Variants in EHD4 observed in about 807,000 individuals in gnomAD.
EHD4 encodes the protein EH domain containing 4, also known as EH domain-containing protein 4.
In EHD4, 37 loss-of-function variants were observed where a neutral mutation model predicts 51.0. The observed-to-expected ratio is 0.73, with a 90% CI of 0.56 to 0.95. EHD4 has a LOEUF of 0.95. Among genes scored for constraint, EHD4 ranks in the 40% least tolerant of loss-of-function variants. EHD4 has a pLI of 0.00. For missense variants in EHD4, 632 were observed against 733.1 expected, an observed-to-expected ratio of 0.86 and a Z score of 1.59; for synonymous variants, 297 against 317.3, an observed-to-expected ratio of 0.94 and a Z score of 0.68.
chr15:41,964,850 C>T (rs774167548), intron 1 of EHD4, among the ~76,000 whole-genome samples: 4 of 151,838 alleles, frequency 2.6e-5, no homozygotes, highest in Middle Eastern at 6.8e-3. Flanking sequence ...CAGCTTACTG[C>T]AGCCTCGACC....
intron 1 of EHD4, among the ~76,000 whole-genome samples, chr15:41,968,299 T>A (rs1158969978): frequency 6.6e-6 from 1 of 152,120 alleles, no homozygotes; most frequent in Non-Finnish European, 1.5e-5. Flanking sequence ...TAAACACAAT[T>A]ACGGTATCAA....
chr15:41,931,599 T>C (rs2067698818), intron 3 of EHD4, among the ~76,000 whole-genome samples: 1 of 152,166 alleles, frequency 6.6e-6, no homozygotes. Context: ...AATGGCTAAA[T>C]TGACAGTGCA....
chr15:41,918,245 C>T (rs111442372), intron 4 of EHD4, among the ~76,000 whole-genome samples: 1,477 of 132,446 alleles, frequency 0.011, 28 homozygotes, highest in African/African-American at 0.038. Flanking sequence ...CACACACACG[C>T]GCATGTTTAC....
intron 3 of EHD4, among the ~76,000 whole-genome samples, chr15:41,938,350 G>T (rs2067745191): frequency 6.6e-6 from 1 of 152,158 alleles, no homozygotes; most frequent in African/African-American, 2.4e-5. Context: ...AAAGATGTTT[G>T]TATATAGACG....
intron 4 of EHD4, among the ~76,000 whole-genome samples, chr15:41,915,338 G>T (rs770889010): frequency 6.6e-6 from 1 of 152,182 alleles, no homozygotes; most frequent in Non-Finnish European, 1.5e-5. Context: ...TTGGTTTCCT[G>T]AAGTGTTGGG....
chr15:41,958,292 C>T lies in EHD4; in HGVS notation c.237-4352G>A, dbSNP rs139068041. On this transcript the variant is annotated intron_variant, in intron 1 of 5. Coordinates refer to ENST00000220325, the MANE Select transcript of EHD4 (RefSeq NM_139265.4). Reference sequence around the variant, plus strand: ...TTGCTCCAAGGTTCTCGAGCCAAGCCAGCCACATAAAAAGGTATGGACATT... The same window carrying T: ...TTGCTCCAAGGTTCTCGAGCCAAGCTAGCCACATAAAAAGGTATGGACATT... Among the ~76,000 whole-genome samples, 119 of 152,120 alleles carry T rather than the reference C, an allele frequency of 7.8e-4. 1 individual carries two copies. The highest frequency in any genetic ancestry group is 2.8e-3 in the African/African-American group (117 of 41,458).
intron 2 of EHD4, among the ~76,000 whole-genome samples, chr15:41,944,150 T>A (rs546082054): frequency 1.3e-5 from 2 of 152,306 alleles, no homozygotes; most frequent in East Asian, 3.9e-4. Context: ...GCTATGGGAC[T>A]CTGGGTAAGG....
intron 4 of EHD4, among the ~76,000 whole-genome samples, chr15:41,915,183 G>GGGA (rs1179831652): frequency 6.6e-6 from 1 of 152,148 alleles, no homozygotes; most frequent in Non-Finnish European, 1.5e-5. Flanking sequence ...ACATTTAAAA[G>GGGA]GGAGGACTTT....
intron 1 of EHD4, among the ~76,000 whole-genome samples, chr15:41,968,041 G>A (rs1365621377): frequency 1.3e-5 from 2 of 152,194 alleles, no homozygotes; most frequent in Admixed American, 6.5e-5. Context: ...AAGCTGAGTA[G>A]TTCTGCTTTC....
intron 1 of EHD4, among the ~76,000 whole-genome samples, chr15:41,967,815 C>G (rs1300709083): frequency 6.6e-6 from 1 of 152,192 alleles, no homozygotes; most frequent in Non-Finnish European, 1.5e-5. Context: ...TGTTCCAATA[C>G]TTTTCATATT....
At chr15:41,960,322 C>T (rs556968293) in intron 1 of EHD4, among the ~76,000 whole-genome samples, 1 of 152,310 alleles carries the variant, frequency 6.6e-6, no homozygotes, top group Admixed American at 6.5e-5. Context: ...GTAATGACTA[C>T]TTTTAACATT....
At chr15:41,951,776 G>A (rs1186003398) in intron 2 of EHD4, among the ~76,000 whole-genome samples, 1 of 152,210 alleles carries the variant, frequency 6.6e-6, no homozygotes, top group Non-Finnish European at 1.5e-5. Context: ...GAGATCTGGA[G>A]AGTTGACCCT....
intron 2 of EHD4, among the ~76,000 whole-genome samples, chr15:41,948,088 T>A (rs1014800636): frequency 3.9e-5 from 6 of 152,124 alleles, no homozygotes; most frequent in Non-Finnish European, 8.8e-5. Context: ...ACCCTGTCTG[T>A]ACTAAAAATA....
In EHD4 at chr15:41,917,526, T is replaced by TA. The variant is rs533836121; in HGVS notation, c.924+1683dup. ...GTCCATGAGCATTTAAAAATAGTTT[T>TA]AAAAAATCTCAAAATCTGCAAAGGC... is the stretch of plus-strand genomic sequence containing the variant. On this transcript the variant is annotated intron_variant, in intron 4 of 5. Transcript: ENST00000220325. 1.4e-4 allele frequency among the ~76,000 whole-genome samples: 21 copies of TA among 152,306 alleles called. No individual in the cohort carries two copies. In the East Asian group the frequency reaches 1.9e-3, roughly 14 times the overall value.
chr15:41,905,927 C>G (rs1483859008), intron 5 of EHD4, among the ~76,000 whole-genome samples: 1 of 152,268 alleles, frequency 6.6e-6, no homozygotes, highest in Non-Finnish European at 1.5e-5. Context: ...CCATTTCAGA[C>G]TCCCAAAGTG....
At chr15:41,947,233 G>C (rs1484637360) in intron 2 of EHD4, among the ~76,000 whole-genome samples, 1 of 152,198 alleles carries the variant, frequency 6.6e-6, no homozygotes, top group Non-Finnish European at 1.5e-5. Context: ...CTAAAACAAA[G>C]GGGTGACGTG....
chr15:41,926,923 C>T (rs2067666090), intron 3 of EHD4, among the ~76,000 whole-genome samples: 1 of 152,232 alleles, frequency 6.6e-6, no homozygotes, highest in Admixed American at 6.5e-5. Flanking sequence ...GTGGCCTTCC[C>T]CCACCCAGTG....
chr15:41,927,296 TG>T (rs1223829153), intron 3 of EHD4, among the ~76,000 whole-genome samples: 1 of 152,230 alleles, frequency 6.6e-6, no homozygotes, highest in African/African-American at 2.4e-5. Context: ...AATCCCACTT[TG>T]GGTATTTGTC....
At chr15:41,914,981 A>AT (rs970388353) in intron 4 of EHD4, among the ~76,000 whole-genome samples, 5 of 150,526 alleles carry the variant, frequency 3.3e-5, no homozygotes, top group South Asian at 2.1e-4. Context: ...TTTTTTTGTA[A>AT]TTTTTTTTGT....
Sources: allele counts gnomAD v4.1 joint callset (sites outside exome capture counted in the v4.1 genomes callset), GRCh38; gene constraint gnomAD v4.1.1; transcripts MANE v1.5; gene names NCBI Gene and HGNC (gene_info 2026-07-23, HGNC 2026-07-21).